CAPZB: variants seen among roughly 807,000 people sequenced by gnomAD.
The protein encoded by CAPZB is F-actin-capping protein subunit beta.
In CAPZB, 2 loss-of-function variants were observed where a neutral mutation model predicts 38.1. The observed-to-expected ratio is 0.05, with a 90% CI of 0.02 to 0.17. CAPZB has a LOEUF of 0.17. Among genes scored for constraint, CAPZB ranks in the 10% least tolerant of loss-of-function variants. The probability of loss-of-function intolerance (pLI) is 1.00; values close to 1 mark genes in which losing one functional copy is unlikely to be tolerated. For missense variants in CAPZB, 161 were observed against 334.2 expected (o/e 0.48, Z 4.04); for synonymous variants, 107 against 127.4 (o/e 0.84, Z 1.08).
At chr1:19,350,315 G>A (rs74056809) in intron 6 of CAPZB, among the ~76,000 whole-genome samples, 6,507 of 152,342 alleles carry the variant, frequency 0.043, 467 homozygotes, top group African/African-American at 0.15. Flanking sequence ...CCTTCACCTC[G>A]CACTAAATAA....
intron 6 of CAPZB, among the ~76,000 whole-genome samples, chr1:19,353,641 C>T (rs1398626598): frequency 1.3e-5 from 2 of 152,206 alleles, no homozygotes; most frequent in Non-Finnish European, 1.5e-5. Flanking sequence ...GACCACCCAT[C>T]CCCCAAGCCG....
chr1:19,344,490 G>C, intron 7 of CAPZB, 56 bp from the exon 8 acceptor site: 2 of 1,355,878 alleles, frequency 1.5e-6, no homozygotes, highest in Non-Finnish European at 2.1e-6. Flanking sequence ...TGAGGCCCAC[G>C]CCCTCCCTCC....
At chr1:19,350,735 C>T (rs2100281661) in intron 6 of CAPZB, among the ~76,000 whole-genome samples, 1 of 152,202 alleles carries the variant, frequency 6.6e-6, no homozygotes, top group Admixed American at 6.5e-5. Flanking sequence ...CCACCTCAGC[C>T]TCCTGAATAG....
chr1:19,374,226 C>T, intron 4 of CAPZB: 1 of 152,372 alleles, frequency 6.6e-6, no homozygotes, highest in Non-Finnish European at 1.5e-5. Context: ...TCTGTGTGAG[C>T]AAAGTCCAGT....
chr1:19,348,704 A>T (rs1008758974), intron 6 of CAPZB, among the ~76,000 whole-genome samples: 1 of 143,658 alleles, frequency 7.0e-6, no homozygotes, highest in Non-Finnish European at 1.5e-5. Context: ...ATCTGCTCAC[A>T]AAGCAATGTG....
At chr1:19,406,202 C>T (rs781411366) in intron 2 of CAPZB, among the ~76,000 whole-genome samples, 6 of 152,294 alleles carry the variant, frequency 3.9e-5, no homozygotes, top group Non-Finnish European at 5.9e-5. Context: ...AGGAGGAGGG[C>T]GGGACTATTC....
At position 19,365,976 on chromosome 1, in the gene CAPZB, A is replaced by G. The variant is rs535111443; in HGVS notation, c.330-8413T>C. On this transcript the variant is annotated intron_variant, in intron 4 of 8. Coordinates refer to ENST00000264202, the MANE Select transcript of CAPZB (RefSeq NM_004930.5). ...AAAATTTGAAGTGTTGATGTAACTG[A>G]AAAAAGCAGAATTCCTCTATGATCT... Among the ~76,000 whole-genome samples, 30 of 152,238 alleles carry G rather than the reference A, an allele frequency of 2.0e-4. 1 individual carries two copies. The highest frequency in any genetic ancestry group is 7.2e-4 in the Admixed American group (11 of 15,280).
chr1:19,437,538 G>A (rs10799810), intron 1 of CAPZB, among the ~76,000 whole-genome samples: 35,430 of 152,110 alleles, frequency 0.23, 4,504 homozygotes, highest in Non-Finnish European at 0.28. Context: ...TGCTAAGTCC[G>A]CTAGCCTCGA....
intron 2 of CAPZB, among the ~76,000 whole-genome samples, chr1:19,405,870 TG>T (rs1337333880): frequency 6.6e-6 from 1 of 152,202 alleles, no homozygotes; most frequent in East Asian, 1.9e-4. Flanking sequence ...TAAAAGGCAA[TG>T]GGCCCATTAG....
At chr1:19,477,931 C>T (rs564849816) in intron 1 of CAPZB, among the ~76,000 whole-genome samples, 1 of 152,134 alleles carries the variant, frequency 6.6e-6, no homozygotes, top group African/African-American at 2.4e-5. Context: ...AAATACGATG[C>T]CTGAATCCAC....
At chr1:19,342,994 C>T (rs1049789464) in intron 8 of CAPZB, 18 of 683,296 alleles carry the variant, frequency 2.6e-5, no homozygotes, top group Admixed American at 1.4e-4. Context: ...GCCGTGGCGG[C>T]TCTGGGGTGT....
intron 1 of CAPZB, among the ~76,000 whole-genome samples, chr1:19,433,166 C>A (rs932640816): frequency 1.3e-5 from 2 of 152,184 alleles, no homozygotes; most frequent in African/African-American, 2.4e-5. Context: ...ATGTAACAAG[C>A]GACTAATCCC....
intron 3 of CAPZB, 148 bp downstream of exon 3, chr1:19,385,353 GAAGA>G: frequency 1.3e-6 from 1 of 742,994 alleles, no homozygotes; most frequent in Non-Finnish European, 2.2e-6. Flanking sequence ...GAGGACAAGA[GAAGA>G]AAGGAGAGGA....
At chr1:19,462,549 T>G (rs2094555491) in intron 1 of CAPZB, among the ~76,000 whole-genome samples, 1 of 152,244 alleles carries the variant, frequency 6.6e-6, no homozygotes, top group Non-Finnish European at 1.5e-5. Flanking sequence ...GTAAGCATGT[T>G]AGATAACTCC....
chr1:19,374,514 C>A, intron 4 of CAPZB: 1 of 152,494 alleles, frequency 6.6e-6, no homozygotes, highest in African/African-American at 2.4e-5. Context: ...CCCCAACCAC[C>A]AGGGGCGCAG....
rs373559599 is a variant in CAPZB at position 19,378,696 on chromosome 1, T to C, written c.216-43A>G. 2.7e-6 allele frequency: 3 copies of C among 1,091,184 alleles called. No homozygotes were observed. The African/African-American group carries it at 4.7e-5, about 17-fold the overall frequency. The allele number at this position is 1,091,184 out of a possible 1,614,324, so 67.6% of individuals were successfully genotyped here. On this transcript the variant is annotated intron_variant, in intron 3 of 8. Transcript: ENST00000264202. ...AAAGTATATACCATGAATCGTTCCA[T>C]GAAGACACGGCCAGCGAGCAGGGAG...
At chr1:19,466,213 C>G (rs1292341882) in intron 1 of CAPZB, among the ~76,000 whole-genome samples, 1 of 152,176 alleles carries the variant, frequency 6.6e-6, no homozygotes, top group South Asian at 2.1e-4. Flanking sequence ...AGCTCCACAG[C>G]TCCGCCAGGA....
chr1:19,423,940 G>C (rs1466238890), intron 1 of CAPZB, among the ~76,000 whole-genome samples: 9 of 152,034 alleles, frequency 5.9e-5, no homozygotes, highest in Non-Finnish European at 1.3e-4. Context: ...GCCTCCCAAA[G>C]TGCTGGGATT....
intron 2 of CAPZB, among the ~76,000 whole-genome samples, chr1:19,387,081 G>GTAGACCCTTTACA (rs2094208172): frequency 1.3e-5 from 2 of 151,764 alleles, no homozygotes; most frequent in African/African-American, 4.8e-5. Flanking sequence ...ACGCACTATG[G>GTAGACCCTTTACA]TAGAGCATAT....
Sources: allele counts gnomAD v4.1 joint callset (sites outside exome capture counted in the v4.1 genomes callset), GRCh38; gene constraint gnomAD v4.1.1; transcripts MANE v1.5; gene names NCBI Gene and HGNC (gene_info 2026-07-23, HGNC 2026-07-21).